TENM2: variants seen among roughly 807,000 people sequenced by gnomAD.
TENM2 encodes teneurin-2.
TENM2 carries 52 observed loss-of-function variants against 245.2 expected under a neutral mutation model. That is an observed-to-expected ratio of 0.21 (90% CI 0.17 to 0.27). TENM2 has a LOEUF of 0.27. Ranked by LOEUF, TENM2 falls within the 10% of genes least tolerant of loss-of-function variation. The pLI is 1.00. For synonymous variants in TENM2, 1,363 were observed against 1,438.9 expected (o/e 0.95, Z 1.19); for missense variants, 3,046 against 3,666.8 (o/e 0.83, Z 4.37).
chr5:167,469,606 A>C (rs535915320), intron 2 of TENM2, among the ~76,000 whole-genome samples: 1 of 152,274 alleles, frequency 6.6e-6, no homozygotes, highest in South Asian at 2.1e-4. Flanking sequence ...TGGTTTAATG[A>C]GTCATTAGCC....
intron 2 of TENM2, among the ~76,000 whole-genome samples, chr5:167,691,786 A>AT (rs1360172011): frequency 2.6e-5 from 4 of 152,272 alleles, no homozygotes; most frequent in African/African-American, 9.6e-5. Context: ...CAGGAAATTG[A>AT]TGGACAAGGG....
intron 2 of TENM2, among the ~76,000 whole-genome samples, chr5:167,508,639 C>T (rs1769718018): frequency 6.6e-6 from 1 of 152,088 alleles, no homozygotes; most frequent in Non-Finnish European, 1.5e-5. Context: ...TGTCACTGTG[C>T]AACAGAAATA....
intron 2 of TENM2, among the ~76,000 whole-genome samples, chr5:167,761,297 A>G (rs1473343881): frequency 1.3e-5 from 2 of 152,072 alleles, no homozygotes; most frequent in Non-Finnish European, 2.9e-5. Flanking sequence ...GCCTCTACCC[A>G]TTAACATATA....
At chr5:166,984,264 CA>C in the TENM2 span, among the ~76,000 whole-genome samples, 1 of 152,078 alleles carries the variant, frequency 6.6e-6, no homozygotes, top group South Asian at 2.1e-4. Flanking sequence ...TAGTAGGAGA[CA>C]AGGACTAAAG....
chr5:167,172,718 A>C, the TENM2 span, among the ~76,000 whole-genome samples: 1 of 145,424 alleles, frequency 6.9e-6, no homozygotes, highest in African/African-American at 2.6e-5. Context: ...CTCAAGCGAT[A>C]CTCCTGCCTG....
At chr5:167,784,553 G>T (rs1049049926) in intron 2 of TENM2, among the ~76,000 whole-genome samples, 8 of 152,146 alleles carry the variant, frequency 5.3e-5, no homozygotes, top group African/African-American at 1.9e-4. Flanking sequence ...AGATAATATA[G>T]TTCCTGCCTT....
At chr5:167,375,561 T>C (rs1760699160) in intron 2 of TENM2, 88 bp downstream of exon 4, 1 of 1,349,266 alleles carries the variant, frequency 7.4e-7, no homozygotes, top group Non-Finnish European at 1.0e-6. Flanking sequence ...TGAAGCGGCG[T>C]CATAAAACCA....
chr5:167,912,688 G>A (rs1368175147), intron 3 of TENM2, among the ~76,000 whole-genome samples: 2 of 152,174 alleles, frequency 1.3e-5, no homozygotes, highest in African/African-American at 4.8e-5. Context: ...AATGTCTGTG[G>A]AATGACTTTG....
Position 168,075,086 on chromosome 5 carries a change from G to A in TENM2, c.1515+12821G>A, listed in dbSNP as rs148504694. ...GTGTAGTTTTTTTATCCCTCACCCCGCTTCCACCCTTTCCCCTGAGGCCCC... is the reference window on the plus strand; with the variant it reads ...GTGTAGTTTTTTTATCCCTCACCCCACTTCCACCCTTTCCCCTGAGGCCCC... On this transcript the variant is annotated intron_variant, in intron 7 of 28. Coordinates refer to ENST00000518659, the Ensembl canonical transcript of TENM2. 1.2e-3 allele frequency among the ~76,000 whole-genome samples: 187 copies of A among 152,028 alleles called. 1 individual carries two copies. Among genetic ancestry groups the A allele is most frequent in the African/African-American group, 4.0e-3 (164 of 41,470 alleles).
intron 2 of TENM2, among the ~76,000 whole-genome samples, chr5:167,864,716 G>A (rs527578082): frequency 6.6e-6 from 1 of 152,258 alleles, no homozygotes; most frequent in Non-Finnish European, 1.5e-5. Flanking sequence ...TCTTCCCAAC[G>A]AACTTATCCC....
intron 1 of TENM2, among the ~76,000 whole-genome samples, chr5:167,343,650 A>G (rs1194688287): frequency 6.6e-6 from 1 of 152,272 alleles, no homozygotes; most frequent in African/African-American, 2.4e-5. Context: ...AAGATCAGAA[A>G]TCAAACTGTA....
intron 12 of TENM2, among the ~76,000 whole-genome samples, chr5:168,142,000 T>G (rs905242440): frequency 2.0e-5 from 3 of 152,172 alleles, no homozygotes; most frequent in Non-Finnish European, 4.4e-5. Context: ...TTCTAAAAAG[T>G]CAGAGAAGAC....
chr5:167,282,653 G>A (rs1009979841), upstream of TENM2, among the ~76,000 whole-genome samples: 11 of 152,136 alleles, frequency 7.2e-5, no homozygotes, highest in African/African-American at 2.7e-4. Context: ...GAGTTCAAAA[G>A]ACCAGGAATA....
At chr5:167,771,348 T>C (rs1763390779) in intron 2 of TENM2, among the ~76,000 whole-genome samples, 3 of 152,218 alleles carry the variant, frequency 2.0e-5, no homozygotes, top group Non-Finnish European at 2.9e-5. Context: ...GTTTACCTTG[T>C]CTGTGTGTTC....
chr5:167,216,163 G>T, the TENM2 span, among the ~76,000 whole-genome samples: 1 of 100,112 alleles, frequency 1.0e-5, no homozygotes, highest in African/African-American at 4.7e-5. Context: ...GCTAGAGCCA[G>T]AATGGAAAGC....
chr5:167,176,180 TC>T, the TENM2 span, among the ~76,000 whole-genome samples: 1 of 152,232 alleles, frequency 6.6e-6, no homozygotes, highest in East Asian at 1.9e-4. Context: ...AAGCTGATCT[TC>T]TAGAATATTC....
intron 4 of TENM2, chr5:167,967,023 A>G (rs1236659320): frequency 6.6e-6 from 1 of 152,206 alleles, no homozygotes; most frequent in African/African-American, 2.4e-5. Flanking sequence ...TCGCCTGGCC[A>G]CCAGCAGCAT....
rs1194498668 is a variant in TENM2, at chr5:168,050,734, A to G, written c.1309+3185A>G. Among the ~76,000 whole-genome samples, 3 of 152,152 alleles carry G rather than the reference A, an allele frequency of 2.0e-5. No homozygotes were observed. The South Asian group carries it at 6.2e-4, about 32-fold the overall frequency. The stretch of plus-strand genomic sequence containing the variant: ...GTCTAATAGACAGGGCAGCCTACAC[A>G]CTCTGATATGTTGGTGGAAACAAAG... On this transcript the variant is annotated intron_variant, in intron 6 of 28. Transcript: ENST00000518659.
intron 27 of TENM2, among the ~76,000 whole-genome samples, chr5:168,254,560 G>A (rs1767468856): frequency 6.6e-6 from 1 of 151,990 alleles, no homozygotes; most frequent in African/African-American, 2.4e-5. Context: ...GTAAGAGGAA[G>A]GAAGAAGAAG....
Sources: allele counts gnomAD v4.1 joint callset (sites outside exome capture counted in the v4.1 genomes callset), GRCh38; gene constraint gnomAD v4.1.1; transcripts MANE v1.5; gene names NCBI Gene and HGNC (gene_info 2026-07-23, HGNC 2026-07-21).